NXPH1: variants seen among roughly 807,000 people sequenced by gnomAD.
The protein encoded by NXPH1 is neurexophilin-1.
Under a neutral mutation model 23.7 loss-of-function variants are expected in NXPH1, and 5 were observed. The observed-to-expected ratio is 0.21, with a 90% CI of 0.11 to 0.44. NXPH1 has a LOEUF of 0.44. NXPH1 is among the 20% of genes least tolerant of loss of function. The probability of loss-of-function intolerance (pLI) is 0.99; values close to 1 mark genes in which losing one functional copy is unlikely to be tolerated. For missense variants in NXPH1, 324 were observed against 321.6 expected (o/e 1.01, Z -0.06); for synonymous variants, 144 against 122.2 (o/e 1.18, Z -1.18).
intron 2 of NXPH1, among the ~76,000 whole-genome samples, chr7:8,603,290 T>A (rs576433333): frequency 6.6e-6 from 1 of 152,346 alleles, no homozygotes; most frequent in African/African-American, 2.4e-5. Flanking sequence ...TTCAGTAGTA[T>A]AAAGCATTTT....
At chr7:8,586,085 A>C (rs936788703) in intron 2 of NXPH1, among the ~76,000 whole-genome samples, 6 of 152,208 alleles carry the variant, frequency 3.9e-5, no homozygotes, top group African/African-American at 9.6e-5. Flanking sequence ...TAACACAGAA[A>C]GTCTTGAACG....
intron 2 of NXPH1, among the ~76,000 whole-genome samples, chr7:8,447,600 AGATCTGGCATAT>A (rs1177786730): frequency 6.6e-6 from 1 of 152,268 alleles, no homozygotes; most frequent in Non-Finnish European, 1.5e-5. Flanking sequence ...AAATAAATGC[AGATCTGGCATAT>A]GAGCTGAGCT....
intron 2 of NXPH1, among the ~76,000 whole-genome samples, chr7:8,463,331 T>C (rs905829714): frequency 1.3e-5 from 2 of 152,030 alleles, no homozygotes; most frequent in African/African-American, 4.8e-5. Context: ...ATTTTTTTTA[T>C]CATGAACTGT....
At chr7:8,527,320 C>T (rs753136504) in intron 2 of NXPH1, among the ~76,000 whole-genome samples, 1 of 152,156 alleles carries the variant, frequency 6.6e-6, no homozygotes, top group Non-Finnish European at 1.5e-5. Context: ...AATTCTGATC[C>T]ATGCATGATG....
chr7:8,533,228 A>G (rs1486230114), intron 2 of NXPH1, among the ~76,000 whole-genome samples: 1 of 152,164 alleles, frequency 6.6e-6, no homozygotes, highest in Non-Finnish European at 1.5e-5. Flanking sequence ...TAGATCACCT[A>G]TCTTTTTTTC....
At chr7:8,454,003 A>C (rs1014500247) in intron 2 of NXPH1, among the ~76,000 whole-genome samples, 1 of 152,142 alleles carries the variant, frequency 6.6e-6, no homozygotes, top group Non-Finnish European at 1.5e-5. Flanking sequence ...AAAACCAAAT[A>C]CTACATGTTT....
At chr7:8,612,908 T>C (rs1819651116) in intron 2 of NXPH1, among the ~76,000 whole-genome samples, 1 of 152,068 alleles carries the variant, frequency 6.6e-6, no homozygotes, top group African/African-American at 2.4e-5. Context: ...AGGTCTCAAT[T>C]ATGCACCAGG....
chr7:8,528,613 C>T (rs556845309), intron 2 of NXPH1, among the ~76,000 whole-genome samples: 5 of 152,218 alleles, frequency 3.3e-5, no homozygotes, highest in African/African-American at 1.2e-4. Context: ...GTCTCTTCTC[C>T]CTCATTCTTC....
At chr7:8,672,403 TGG>T (rs752140553) in intron 2 of NXPH1, among the ~76,000 whole-genome samples, 4 of 152,018 alleles carry the variant, frequency 2.6e-5, no homozygotes, top group Non-Finnish European at 4.4e-5. Context: ...CACACCAGTA[TGG>T]CACATGTATA....
At chr7:8,724,031 G>A (rs1340511928) in intron 2 of NXPH1, among the ~76,000 whole-genome samples, 1 of 152,204 alleles carries the variant, frequency 6.6e-6, no homozygotes, top group Non-Finnish European at 1.5e-5. Context: ...GTGTATCTGA[G>A]CTTTGAACAT....
chr7:8,563,010 G>A (rs1818474581), intron 2 of NXPH1, among the ~76,000 whole-genome samples: 7 of 151,596 alleles, frequency 4.6e-5, no homozygotes, highest in Admixed American at 4.6e-4. Flanking sequence ...ATTAAGTTAT[G>A]AATTCTAACC....
intron 2 of NXPH1, among the ~76,000 whole-genome samples, chr7:8,654,282 A>G (rs1820538019): frequency 6.6e-6 from 1 of 152,050 alleles, no homozygotes; most frequent in African/African-American, 2.4e-5. Context: ...TCCAACTAGT[A>G]TTTATGTTTT....
chr7:8,715,959 A>T (rs1005796171), intron 2 of NXPH1, among the ~76,000 whole-genome samples: 2 of 152,168 alleles, frequency 1.3e-5, no homozygotes, highest in African/African-American at 4.8e-5. Flanking sequence ...ATGTATTAGC[A>T]GTTGTCAATG....
chr7:8,631,946 T>C (rs1035703346), intron 2 of NXPH1, among the ~76,000 whole-genome samples: 3 of 152,206 alleles, frequency 2.0e-5, no homozygotes, highest in Non-Finnish European at 4.4e-5. Flanking sequence ...TAATAATAAA[T>C]GTCCTCAGTT....
chr7:8,492,322 A>G (rs954668803), intron 2 of NXPH1, among the ~76,000 whole-genome samples: 1 of 152,016 alleles, frequency 6.6e-6, no homozygotes, highest in Non-Finnish European at 1.5e-5. Context: ...GGTGATGAAT[A>G]CTAAATTTGG....
intron 2 of NXPH1, among the ~76,000 whole-genome samples, chr7:8,479,776 C>T (rs2128609650): frequency 6.6e-6 from 1 of 152,136 alleles, no homozygotes; most frequent in African/African-American, 2.4e-5. Context: ...TTTTAAGAAC[C>T]TCCAATTGGG....
At position 8,534,461 on chromosome 7, in the gene NXPH1, C is replaced by T. The variant is rs115984627; in HGVS notation, c.54+98694C>T. 5.4e-3 allele frequency among the ~76,000 whole-genome samples: 828 copies of T among 152,196 alleles called. 8 individuals are homozygous for T. Among genetic ancestry groups the T allele is most frequent in the African/African-American group, 0.019 (796 of 41,546 alleles). On this transcript the variant is annotated intron_variant, in intron 2 of 2. Transcript: ENST00000405863. ...CACACCAATAATAATCTCCCAGCCACGCTGATGCATTAAGCTACTTTATAA... is the reference window on the plus strand; with the variant it reads ...CACACCAATAATAATCTCCCAGCCATGCTGATGCATTAAGCTACTTTATAA...
chr7:8,555,188 A>G (rs1818337269), intron 2 of NXPH1, among the ~76,000 whole-genome samples: 1 of 151,712 alleles, frequency 6.6e-6, no homozygotes, highest in Non-Finnish European at 1.5e-5. Flanking sequence ...GTTGGGGAAA[A>G]CTAACACGCA....
chr7:8,520,975 C>G (rs763525791), intron 2 of NXPH1, among the ~76,000 whole-genome samples: 7 of 152,094 alleles, frequency 4.6e-5, no homozygotes, highest in Non-Finnish European at 1.0e-4. Flanking sequence ...ATTCATTTGT[C>G]TTGTAAGCTG....
Sources: gnomAD v4.1 joint callset for allele counts (sites outside exome capture counted in the v4.1 genomes callset) on GRCh38, gnomAD v4.1.1 for gene constraint, MANE v1.5 for transcripts, NCBI Gene and HGNC (gene_info 2026-07-23, HGNC 2026-07-21) for gene names.